The following PTTG1IP2 variants were observed in gnomAD, a reference collection of about 807,000 sequenced individuals.
PTTG1IP2 encodes PTTG1IP family member 2.
At chr7:90,483,928 C>T (rs145923408) in intron 2 of PTTG1IP2, among the ~76,000 whole-genome samples, 7 of 152,284 alleles carry the variant, frequency 4.6e-5, no homozygotes, top group Non-Finnish European at 8.8e-5. Context: ...GTCCTGGTCT[C>T]TACCACAACC....
chr7:90,485,570 C>G (rs1041818108), intron 2 of PTTG1IP2, among the ~76,000 whole-genome samples: 2 of 152,112 alleles, frequency 1.3e-5, no homozygotes, highest in African/African-American at 4.8e-5. Flanking sequence ...ATAATATATT[C>G]CAAGTCTGTA....
At chr7:90,472,222 A>G (rs2116038636) in intron 1 of PTTG1IP2, among the ~76,000 whole-genome samples, 2 of 152,002 alleles carry the variant, frequency 1.3e-5, no homozygotes, top group South Asian at 4.2e-4. Context: ...CAATAGAGCA[A>G]CTATGTAAAC....
At chr7:90,488,783 C>T (rs1321358845) in intron 3 of PTTG1IP2, 88 bp from the exon 4 acceptor site, 1 of 151,942 alleles carries the variant, frequency 6.6e-6, no homozygotes, top group African/African-American at 2.4e-5. Flanking sequence ...GTTAAAGAAT[C>T]ACATTGCATG....
chr7:90,511,485 AAT>A (rs1798189965), intron 6 of PTTG1IP2, among the ~76,000 whole-genome samples: 1 of 152,164 alleles, frequency 6.6e-6, no homozygotes, highest in Non-Finnish European at 1.5e-5. Flanking sequence ...GTGCACAGTT[AAT>A]ATCTCTTTTT....
chr7:90,512,328 G>C (rs17866835), intron 6 of PTTG1IP2, among the ~76,000 whole-genome samples: 7,393 of 152,186 alleles, frequency 0.049, 444 homozygotes, highest in East Asian at 0.16. Flanking sequence ...AAAGAAGGGA[G>C]TAAAATTAGG....
intron 6 of PTTG1IP2, among the ~76,000 whole-genome samples, chr7:90,507,549 A>T (rs1282928937): frequency 6.6e-6 from 1 of 152,198 alleles, no homozygotes; most frequent in East Asian, 1.9e-4. Context: ...CTAAATGGTG[A>T]TTCTTGGGCT....
At chr7:90,503,352 C>T (rs890378426) in intron 6 of PTTG1IP2, among the ~76,000 whole-genome samples, 2 of 152,160 alleles carry the variant, frequency 1.3e-5, no homozygotes, top group African/African-American at 2.4e-5. Context: ...GGCTATTTTG[C>T]TCTTTCATCA....
chr7:90,471,809 G>A (rs1360737414), intron 1 of PTTG1IP2, among the ~76,000 whole-genome samples: 1 of 152,154 alleles, frequency 6.6e-6, no homozygotes, highest in African/African-American at 2.4e-5. Context: ...GAAATAGGTG[G>A]AATGAGGACC....
At chr7:90,491,349 G>A (rs529661136) in intron 4 of PTTG1IP2, among the ~76,000 whole-genome samples, 76 of 152,290 alleles carry the variant, frequency 5.0e-4, no homozygotes, top group African/African-American at 1.6e-3. Flanking sequence ...CAGGCCGGGT[G>A]TGCTGGCTCA....
At chr7:90,491,908 A>T (rs1427478265) in intron 4 of PTTG1IP2, among the ~76,000 whole-genome samples, 1 of 152,052 alleles carries the variant, frequency 6.6e-6, no homozygotes, top group African/African-American at 2.4e-5. Flanking sequence ...AAGTGGGTGG[A>T]TCACTTGAGG....
At position 90,505,554 on chromosome 7, in the gene PTTG1IP2, A is replaced by C. The variant is rs189101041; in HGVS notation, c.*51-7724A>C. 1.6e-3 allele frequency among the ~76,000 whole-genome samples: 241 copies of C among 152,344 alleles called. 2 individuals are homozygous for C. The highest frequency in any genetic ancestry group is 1.9e-3 in the Non-Finnish European group (130 of 68,038). On this transcript the variant is annotated intron_variant, in intron 6 of 6. Transcript: ENST00000509356. ...ACTCAAAATCATGGAGAAAGACTTA[A>C]CCTACTGTTTCCTTCTGGTAGGGAA...
intron 6 of PTTG1IP2, among the ~76,000 whole-genome samples, chr7:90,504,819 G>A (rs1172133216): frequency 6.6e-6 from 1 of 152,198 alleles, no homozygotes; most frequent in African/African-American, 2.4e-5. Context: ...TCTCATGGCT[G>A]ATTATGTGTG....
At chr7:90,477,851 C>T (rs1797766869) in intron 1 of PTTG1IP2, among the ~76,000 whole-genome samples, 1 of 152,072 alleles carries the variant, frequency 6.6e-6, no homozygotes, top group African/African-American at 2.4e-5. Context: ...GTAATCCCAG[C>T]ATTTGGGAGG....
At chr7:90,485,608 C>A (rs756588152) in intron 2 of PTTG1IP2, among the ~76,000 whole-genome samples, 5 of 152,112 alleles carry the variant, frequency 3.3e-5, no homozygotes, top group Non-Finnish European at 7.4e-5. Context: ...CCTGGCTGGG[C>A]AGTGAGTTGT....
At chr7:90,486,329 G>A (rs1797874444) in intron 2 of PTTG1IP2, among the ~76,000 whole-genome samples, 2 of 152,018 alleles carry the variant, frequency 1.3e-5, no homozygotes, top group African/African-American at 2.4e-5. Context: ...TCTATAAAGT[G>A]GACATAATAG....
chr7:90,476,410 G>A (rs7776784), intron 1 of PTTG1IP2, among the ~76,000 whole-genome samples: 3,879 of 152,112 alleles, frequency 0.026, 159 homozygotes, highest in African/African-American at 0.087. Context: ...AAAGAGAAGA[G>A]TAAAAACATA....
At chr7:90,472,429 C>G (rs1046318326) in intron 1 of PTTG1IP2, among the ~76,000 whole-genome samples, 2 of 152,014 alleles carry the variant, frequency 1.3e-5, no homozygotes, top group African/African-American at 4.8e-5. Context: ...GTGAAACAAG[C>G]CTCGAAGTCG....
At chr7:90,482,602 A>C (rs1201040446) in intron 2 of PTTG1IP2, among the ~76,000 whole-genome samples, 1 of 152,204 alleles carries the variant, frequency 6.6e-6, no homozygotes, top group South Asian at 2.1e-4. Context: ...AATCAGGCTA[A>C]CTAAAAAAGG....
intron 2 of PTTG1IP2, among the ~76,000 whole-genome samples, chr7:90,482,158 C>T (rs1378312273): frequency 6.6e-6 from 1 of 152,086 alleles, no homozygotes; most frequent in Non-Finnish European, 1.5e-5. Flanking sequence ...TCTGCCACCT[C>T]CTATACTCCC....
Sources: gnomAD v4.1 joint callset for allele counts (sites outside exome capture counted in the v4.1 genomes callset) on GRCh38, gnomAD v4.1.1 for gene constraint, MANE v1.5 for transcripts, NCBI Gene and HGNC (gene_info 2026-07-23, HGNC 2026-07-21) for gene names.